SPSB4: variants seen among roughly 807,000 people sequenced by gnomAD.
SPSB4 encodes the protein SPRY domain-containing SOCS box protein 4.
Under a neutral mutation model 20.9 loss-of-function variants are expected in SPSB4, and 21 were observed. The ratio of observed to expected loss-of-function variants is 1.01; its 90% CI spans 0.71 to 1.45. The LOEUF is 1.45. Among genes scored for constraint, SPSB4 ranks in the 40% most tolerant of loss-of-function variants. The pLI is 0.00. For missense variants in SPSB4, 399 were observed against 399.2 expected (o/e 1.00, Z 0.00); for synonymous variants, 207 against 183.8 (o/e 1.13, Z -1.02).
At chr3:141,141,170 G>A (rs1375248073) in intron 2 of SPSB4, among the ~76,000 whole-genome samples, 4 of 152,024 alleles carry the variant, frequency 2.6e-5, no homozygotes, top group East Asian at 3.9e-4. Context: ...GTTTGTTTAA[G>A]GCGTTGGAAG....
At chr3:141,147,029 AC>A in intron 2 of SPSB4, 112 bp from the exon 3 acceptor site, 3 of 1,440,592 alleles carry the variant, frequency 2.1e-6, no homozygotes, top group Non-Finnish European at 2.9e-6. Flanking sequence ...GAAGCCATTG[AC>A]CCTGAAGGCC....
intron 2 of SPSB4, among the ~76,000 whole-genome samples, chr3:141,121,773 A>G (rs1938970970): frequency 6.6e-6 from 1 of 152,102 alleles, no homozygotes; most frequent in Non-Finnish European, 1.5e-5. Context: ...CAGGTCATTT[A>G]AGGTCATCTC....
chr3:141,112,475 C>A (rs1938815555), intron 2 of SPSB4, among the ~76,000 whole-genome samples: 1 of 150,726 alleles, frequency 6.6e-6, no homozygotes, highest in African/African-American at 2.5e-5. Flanking sequence ...GAAACCCCGT[C>A]TCTACTAAAA....
intron 2 of SPSB4, among the ~76,000 whole-genome samples, chr3:141,069,731 G>A (rs1937960525): frequency 6.6e-6 from 1 of 152,138 alleles, no homozygotes; most frequent in South Asian, 2.1e-4. Flanking sequence ...GGATGATAAA[G>A]CTCACCGGCA....
intron 1 of SPSB4, among the ~76,000 whole-genome samples, chr3:141,056,344 A>C (rs1182622462): frequency 6.6e-6 from 1 of 152,046 alleles, no homozygotes; most frequent in African/African-American, 2.4e-5. Context: ...CATTCTATGA[A>C]ATGTGCAAGT....
At chr3:141,123,014 T>A (rs1050962436) in intron 2 of SPSB4, among the ~76,000 whole-genome samples, 3 of 152,174 alleles carry the variant, frequency 2.0e-5, no homozygotes, top group East Asian at 1.9e-4. Flanking sequence ...AAATCACCCA[T>A]CTTCTGCATC....
chr3:141,120,641 A>C (rs1295979924), intron 2 of SPSB4, among the ~76,000 whole-genome samples: 1 of 152,224 alleles, frequency 6.6e-6, no homozygotes, highest in East Asian at 1.9e-4. Context: ...CTTCTTGTTG[A>C]ATCGATCCCT....
At position 141,147,290 on chromosome 3, in the gene SPSB4, C is replaced by T; in HGVS notation, c.*21C>T. 1.9e-6 allele frequency: 3 copies of T among 1,613,816 alleles called. No individual in the cohort carries two copies. In the South Asian group the frequency reaches 3.3e-5, roughly 18 times the overall value. ...AGTGAGCCAAGCCTGATGGGCAGCA[C>T]AGACACAGACACACACCGCAGGGCC... On this transcript the variant is annotated 3_prime_UTR_variant, in exon 3 of 3. Transcript: ENST00000310546.
At chr3:141,086,335 A>G (rs930360336) in intron 2 of SPSB4, among the ~76,000 whole-genome samples, 2 of 152,166 alleles carry the variant, frequency 1.3e-5, no homozygotes, top group Admixed American at 1.3e-4. Context: ...TGCAGAGTTT[A>G]TGTTCAAACT....
intron 2 of SPSB4, among the ~76,000 whole-genome samples, chr3:141,074,007 A>G (rs775369518): frequency 1.3e-5 from 2 of 152,234 alleles, no homozygotes; most frequent in Non-Finnish European, 2.9e-5. Context: ...TCATATTAAC[A>G]TAGTCATAAT....
At chr3:141,133,077 A>G (rs894677881) in intron 2 of SPSB4, among the ~76,000 whole-genome samples, 2 of 148,072 alleles carry the variant, frequency 1.4e-5, no homozygotes, top group Non-Finnish European at 2.9e-5. Flanking sequence ...GCATTTTGTC[A>G]TATGTTTGTC....
At chr3:141,095,172 G>A (rs937243899) in intron 2 of SPSB4, among the ~76,000 whole-genome samples, 1 of 152,168 alleles carries the variant, frequency 6.6e-6, no homozygotes, top group Non-Finnish European at 1.5e-5. Flanking sequence ...CGTGCAGAAA[G>A]GTGCCTGCGT....
intron 2 of SPSB4, among the ~76,000 whole-genome samples, chr3:141,078,699 C>T (rs1374011144): frequency 1.3e-5 from 2 of 152,154 alleles, no homozygotes; most frequent in Non-Finnish European, 2.9e-5. Context: ...CTGTTTCTTC[C>T]TGGTACCTCC....
chr3:141,115,150 T>G (rs1456369381), intron 2 of SPSB4: 1 of 152,234 alleles, frequency 6.6e-6, no homozygotes, highest in African/African-American at 2.4e-5. Flanking sequence ...TCTGGTTTTT[T>G]ACGTAGTTAC....
At chr3:141,104,092 C>T (rs1427554215) in intron 2 of SPSB4, among the ~76,000 whole-genome samples, 2 of 152,166 alleles carry the variant, frequency 1.3e-5, no homozygotes, top group African/African-American at 2.4e-5. Context: ...CAGCATTAAA[C>T]TATAAAGCAG....
intron 2 of SPSB4, among the ~76,000 whole-genome samples, chr3:141,096,506 A>C (rs1055380340): frequency 6.6e-6 from 1 of 152,240 alleles, no homozygotes; most frequent in African/African-American, 2.4e-5. Context: ...TCCAAGGCCT[A>C]AAAACAGGAC....
intron 2 of SPSB4, among the ~76,000 whole-genome samples, chr3:141,074,663 C>T (rs1301111320): frequency 2.6e-5 from 4 of 152,188 alleles, no homozygotes; most frequent in African/African-American, 9.7e-5. Context: ...CGCAGCTCCC[C>T]GTGGTGACTT....
chr3:141,087,817 G>A (rs909968016), intron 2 of SPSB4, among the ~76,000 whole-genome samples: 1 of 152,194 alleles, frequency 6.6e-6, no homozygotes, highest in Non-Finnish European at 1.5e-5. Flanking sequence ...TCGCCTGTGA[G>A]GAGTTGCTGC....
intron 2 of SPSB4, among the ~76,000 whole-genome samples, chr3:141,067,151 TCCAGTCTGTACAAAGGTTGTA>T (rs1253122390): frequency 6.6e-6 from 1 of 152,200 alleles, no homozygotes; most frequent in Non-Finnish European, 1.5e-5. Flanking sequence ...TTACCAATCT[TCCAGTCTGTACAAAGGTTGTA>T]CCAAATGACC....
Sources: allele counts gnomAD v4.1 joint callset (sites outside exome capture counted in the v4.1 genomes callset), GRCh38; gene constraint gnomAD v4.1.1; transcripts MANE v1.5; gene names NCBI Gene and HGNC (gene_info 2026-07-23, HGNC 2026-07-21).